The following KBTBD12 variants were observed in gnomAD, a reference collection of about 807,000 sequenced individuals.
KBTBD12 encodes the protein kelch repeat and BTB domain-containing protein 12.
KBTBD12 carries 53 observed loss-of-function variants against 58.7 expected under a neutral mutation model. The observed-to-expected ratio is 0.90, with a 90% CI of 0.72 to 1.14. The LOEUF (loss-of-function observed/expected upper bound fraction) is 1.14, where lower values mean the gene tolerates loss of function less well. KBTBD12 is among the 50% of genes most tolerant of loss of function. KBTBD12 has a pLI of 0.00. For synonymous variants in KBTBD12, 236 were observed against 259.8 expected (o/e 0.91, Z 0.88); for missense variants, 704 against 751.3 (o/e 0.94, Z 0.74).
chr3:127,955,891 G>A (rs924830357), intron 4 of KBTBD12, among the ~76,000 whole-genome samples: 1 of 152,192 alleles, frequency 6.6e-6, no homozygotes, highest in Non-Finnish European at 1.5e-5. Context: ...GTTGGATAAA[G>A]TTACTTGCTC....
At chr3:127,971,885 T>C (rs1447343914) in intron 5 of KBTBD12, among the ~76,000 whole-genome samples, 2 of 152,220 alleles carry the variant, frequency 1.3e-5, no homozygotes, top group Non-Finnish European at 2.9e-5. Flanking sequence ...CACCCAGGAC[T>C]GGAAATGCTC....
At chr3:127,916,730 G>A (rs1939252159) in intron 1 of KBTBD12, among the ~76,000 whole-genome samples, 2 of 149,872 alleles carry the variant, frequency 1.3e-5, no homozygotes, top group Non-Finnish European at 1.5e-5. Flanking sequence ...AAACTGAGCA[G>A]CCAATTTGTA....
intron 2 of KBTBD12, among the ~76,000 whole-genome samples, chr3:127,926,307 T>C (rs1939565158): frequency 6.6e-6 from 1 of 152,200 alleles, no homozygotes; most frequent in African/African-American, 2.4e-5. Context: ...TTTAACTATG[T>C]CTCAGAAAAC....
chr3:127,976,820 G>T (rs1329210072), intron 5 of KBTBD12, among the ~76,000 whole-genome samples: 6 of 152,116 alleles, frequency 3.9e-5, no homozygotes, highest in African/African-American at 1.4e-4. Flanking sequence ...CAGGACCTCT[G>T]TTCTTTTTGT....
At chr3:127,959,967 T>C (rs1940398841) in intron 4 of KBTBD12, among the ~76,000 whole-genome samples, 1 of 152,356 alleles carries the variant, frequency 6.6e-6, no homozygotes, top group African/African-American at 2.4e-5. Context: ...TGTACATTTT[T>C]CCCCTAAGAC....
At chr3:127,944,227 A>G (rs933944785) in intron 4 of KBTBD12, among the ~76,000 whole-genome samples, 1 of 152,140 alleles carries the variant, frequency 6.6e-6, no homozygotes, top group African/African-American at 2.4e-5. Flanking sequence ...GAAAATTTTC[A>G]TTGAAATTTT....
At chr3:127,983,221 A>G (rs1290691376) in intron 5 of KBTBD12, among the ~76,000 whole-genome samples, 2 of 152,240 alleles carry the variant, frequency 1.3e-5, no homozygotes, top group Non-Finnish European at 2.9e-5. Context: ...ACTGCCTTCC[A>G]TTTAAAGTAT....
rs761406199 is a variant in KBTBD12, at chr3:127,923,850, C to T, written c.789C>T (p.His263=). 4 of 1,613,926 alleles carry T rather than the reference C, an allele frequency of 2.5e-6. No homozygotes were observed. The highest frequency in any genetic ancestry group is 3.4e-6 in the Non-Finnish European group (4 of 1,179,848). ...AAGCCATCAAGACACCCCAACAGCA[C>T]TCTCTAAATCTGCGCTATGGTATGG... The part of the protein sequence containing the change: ...AFKAIKTPQQ[H]SLNLRYGMET... Residue 263 remains histidine, a synonymous_variant, in exon 2 of 6, where the codon CAC becomes CAT. Transcript: ENST00000405109.
At chr3:127,955,275 T>A (rs1269667796) in intron 4 of KBTBD12, among the ~76,000 whole-genome samples, 1 of 152,192 alleles carries the variant, frequency 6.6e-6, no homozygotes, top group African/African-American at 2.4e-5. Flanking sequence ...ATCAATGTTT[T>A]CTCCAGGAAA....
chr3:127,937,079 A>G (rs143036365), intron 4 of KBTBD12, among the ~76,000 whole-genome samples: 68 of 152,234 alleles, frequency 4.5e-4, no homozygotes, highest in African/African-American at 1.6e-3. Flanking sequence ...GACCTCAAAA[A>G]TCCCCCACAA....
At chr3:127,952,663 A>T (rs779327955) in intron 4 of KBTBD12, among the ~76,000 whole-genome samples, 2 of 152,260 alleles carry the variant, frequency 1.3e-5, no homozygotes, top group Non-Finnish European at 2.9e-5. Flanking sequence ...AAGGTCTTTT[A>T]TCACAGCACC....
chr3:127,953,926 A>G (rs773266457), intron 4 of KBTBD12, among the ~76,000 whole-genome samples: 1 of 152,226 alleles, frequency 6.6e-6, no homozygotes, highest in Non-Finnish European at 1.5e-5. Flanking sequence ...TATAAGTCTT[A>G]TGAGTCAATG....
intron 5 of KBTBD12, among the ~76,000 whole-genome samples, chr3:127,968,565 C>T (rs76845382): frequency 0.019 from 2,816 of 152,202 alleles, 36 homozygotes; most frequent in Middle Eastern, 0.051. Context: ...ACACCGTGTT[C>T]GAGAAGGATT....
intron 4 of KBTBD12, among the ~76,000 whole-genome samples, chr3:127,932,595 C>T (rs1478506449): frequency 6.6e-6 from 1 of 152,092 alleles, no homozygotes; most frequent in African/African-American, 2.4e-5. Context: ...ACTGAAACCT[C>T]CTTCACCAGG....
chr3:127,944,686 T>C (rs1042265584), intron 4 of KBTBD12, among the ~76,000 whole-genome samples: 4 of 152,164 alleles, frequency 2.6e-5, no homozygotes, highest in African/African-American at 7.2e-5. Flanking sequence ...CTATTTGCTC[T>C]TGCTAGTAAT....
chr3:127,939,588 C>G (rs1939905597), intron 4 of KBTBD12, among the ~76,000 whole-genome samples: 1 of 151,364 alleles, frequency 6.6e-6, no homozygotes, highest in African/African-American at 2.4e-5. Flanking sequence ...TTTGTAATCC[C>G]AAAAGAAATG....
intron 4 of KBTBD12, among the ~76,000 whole-genome samples, chr3:127,956,488 G>A (rs1434805134): frequency 2.7e-5 from 4 of 149,702 alleles, no homozygotes; most frequent in East Asian, 1.9e-4. Flanking sequence ...CCTCAAACTT[G>A]TTATTCTATG....
chr3:127,983,985 G>A (rs1235062084), intron 5 of KBTBD12, 112 bp from the exon 6 acceptor site: 8 of 781,722 alleles, frequency 1.0e-5, no homozygotes, highest in Non-Finnish European at 1.5e-5. Flanking sequence ...AACAGTAACA[G>A]CAAGTGGACT....
At chr3:127,965,394 G>A (rs1209876914) in intron 5 of KBTBD12, among the ~76,000 whole-genome samples, 3 of 152,178 alleles carry the variant, frequency 2.0e-5, no homozygotes, top group Admixed American at 2.0e-4. Context: ...ATGGTAGATT[G>A]TTTGGGATTC....
Sources: allele counts gnomAD v4.1 joint callset (sites outside exome capture counted in the v4.1 genomes callset), GRCh38; gene constraint gnomAD v4.1.1; transcripts MANE v1.5; gene names NCBI Gene and HGNC (gene_info 2026-07-23, HGNC 2026-07-21).